PCLO: variants seen among roughly 807,000 people sequenced by gnomAD.
PCLO encodes the protein protein piccolo.
PCLO carries 82 observed loss-of-function variants against 427.5 expected under a neutral mutation model. That is an observed-to-expected ratio of 0.19 (90% CI 0.16 to 0.23). The LOEUF (loss-of-function observed/expected upper bound fraction) is 0.23, where lower values mean the gene tolerates loss of function less well. Among genes scored for constraint, PCLO ranks in the 10% least tolerant of loss-of-function variants. PCLO has a pLI of 1.00. For synonymous variants in PCLO, 2,357 were observed against 2,155.4 expected, an observed-to-expected ratio of 1.09 and a Z score of -2.59; for missense variants, 6,239 against 6,115.9, an observed-to-expected ratio of 1.02 and a Z score of -0.67.
At chr7:82,783,422 G>A (rs1017267530) in intron 22 of PCLO, among the ~76,000 whole-genome samples, 1 of 152,070 alleles carries the variant, frequency 6.6e-6, no homozygotes, top group Non-Finnish European at 1.5e-5. Context: ...AGACCATCCC[G>A]GCTAACACGG....
chr7:83,157,769 A>C, intron 1 of PCLO, among the ~76,000 whole-genome samples: 1 of 152,076 alleles, frequency 6.6e-6, no homozygotes, highest in Admixed American at 6.5e-5. Context: ...TTTATTTGAT[A>C]TATGAGGCTT....
intron 9 of PCLO, among the ~76,000 whole-genome samples, chr7:82,900,898 C>A (rs2116183252): frequency 6.6e-6 from 1 of 151,508 alleles, no homozygotes; most frequent in South Asian, 2.1e-4. Context: ...AAATTATTTC[C>A]AAATAAAAAG....
rs373238458 is a variant in PCLO, at chr7:83,093,279, C to A, written c.3300+40971G>T. Among the ~76,000 whole-genome samples, 8 of 151,208 alleles carry A rather than the reference C, an allele frequency of 5.3e-5. No individual in the cohort carries two copies. The South Asian group carries it at 6.2e-4, about 12-fold the overall frequency. ...TGTATAAATCTACTCATTTTAAATA[C>A]CATTTATCTAACAAAGCAGTCATCA... On this transcript the variant is annotated intron_variant, in intron 3 of 24. Transcript: ENST00000333891.
At chr7:83,015,034 C>T (rs1409068461) in intron 3 of PCLO, among the ~76,000 whole-genome samples, 12 of 152,190 alleles carry the variant, frequency 7.9e-5, no homozygotes, top group African/African-American at 2.6e-4. Context: ...CTACTGTCCC[C>T]ATTTTTCAAA....
chr7:82,784,211 G>A (rs748323557), intron 22 of PCLO, among the ~76,000 whole-genome samples: 10 of 152,088 alleles, frequency 6.6e-5, no homozygotes, highest in South Asian at 2.1e-4. Flanking sequence ...ACCATGTTGT[G>A]AGAGTTCTTG....
intron 3 of PCLO, among the ~76,000 whole-genome samples, chr7:83,072,204 T>A (rs1789834046): frequency 6.6e-6 from 1 of 152,046 alleles, no homozygotes; most frequent in African/African-American, 2.4e-5. Context: ...AAGAAAAATG[T>A]ATGAGAAAAT....
chr7:82,804,294 A>G (rs1330426043), intron 21 of PCLO, among the ~76,000 whole-genome samples: 1 of 151,938 alleles, frequency 6.6e-6, no homozygotes, highest in Non-Finnish European at 1.5e-5. Flanking sequence ...ATAAAAGAAA[A>G]GAAAGCTAAG....
chr7:82,793,573 A>AT (rs930923020), intron 22 of PCLO, among the ~76,000 whole-genome samples: 19 of 151,958 alleles, frequency 1.3e-4, no homozygotes, highest in South Asian at 2.1e-4. Flanking sequence ...TGGAGGGCCA[A>AT]TTTTTTTTAT....
chr7:82,859,101 G>A (rs986228125), intron 10 of PCLO, among the ~76,000 whole-genome samples: 3 of 152,156 alleles, frequency 2.0e-5, no homozygotes, highest in Non-Finnish European at 2.9e-5. Flanking sequence ...AGAACACCAG[G>A]TAGACTTCTA....
At chr7:82,927,165 T>G (rs1210819187) in intron 6 of PCLO, among the ~76,000 whole-genome samples, 1 of 152,196 alleles carries the variant, frequency 6.6e-6, no homozygotes, top group Non-Finnish European at 1.5e-5. Flanking sequence ...CGGATACTCA[T>G]TTTTGTCAAA....
In PCLO at chr7:82,956,431, C is replaced by G; in HGVS notation, c.4522G>C (p.Glu1508Gln). The G allele has an allele frequency of 6.2e-7, 1 of 1,613,782 alleles. No homozygotes were observed. Among genetic ancestry groups the G allele is most frequent in the Non-Finnish European group, 8.5e-7 (1 of 1,179,848 alleles). ...EFVDDITTRR[E>Q]PYDSVEESSE... ...CTCTCTTCAACTGAATCATAAGGCT[C>G]TCTTCTAGTAGTTATGTCATCAACA... The change falls in exon 5 of 25, where the codon GAG becomes CAG. Residue 1508 changes from glutamate (E) to glutamine (Q), a missense_variant. Glu to Gln is a conservative substitution (Grantham distance 29). Coordinates refer to ENST00000333891, the MANE Select transcript of PCLO (RefSeq NM_033026.6).
intron 8 of PCLO, among the ~76,000 whole-genome samples, chr7:82,906,720 GC>G (rs1322496405): frequency 6.6e-6 from 1 of 151,942 alleles, no homozygotes; most frequent in Non-Finnish European, 1.5e-5. Context: ...GGCCTGTGTG[GC>G]GGTTTCATGG....
At chr7:82,801,833 A>T (rs577165819) in intron 21 of PCLO, among the ~76,000 whole-genome samples, 1 of 152,256 alleles carries the variant, frequency 6.6e-6, no homozygotes, top group South Asian at 2.1e-4. Flanking sequence ...GCCAAACAAT[A>T]TACCTCAACA....
intron 10 of PCLO, among the ~76,000 whole-genome samples, chr7:82,861,723 T>G (rs1166135902): frequency 2.6e-5 from 4 of 152,018 alleles, no homozygotes; most frequent in African/African-American, 9.7e-5. Flanking sequence ...ATAGACCACA[T>G]GTTAGGTCAC....
intron 3 of PCLO, among the ~76,000 whole-genome samples, chr7:83,001,343 G>A (rs761693341): frequency 4.6e-5 from 7 of 151,890 alleles, no homozygotes; most frequent in Non-Finnish European, 8.8e-5. Context: ...GAAGGATACT[G>A]AATGTATGTT....
Position 83,046,454 on chromosome 7 carries a change from C to G in PCLO, c.3301-79967G>C, listed in dbSNP as rs1789105541. 3.3e-5 allele frequency among the ~76,000 whole-genome samples: 5 copies of G among 152,090 alleles called. No homozygotes were observed. The South Asian group carries it at 1.0e-3, about 32-fold the overall frequency. On this transcript the variant is annotated intron_variant, in intron 3 of 24. Coordinates refer to ENST00000333891, the MANE Select transcript of PCLO (RefSeq NM_033026.6). Reference sequence around the variant, plus strand: ...TTTTTAAATAAGAAATAGTATCTCTCAGGGAATGGTAAGAATTCTAGTTCC... The same window carrying G: ...TTTTTAAATAAGAAATAGTATCTCTGAGGGAATGGTAAGAATTCTAGTTCC...
chr7:82,788,384 C>T (rs984084926), intron 22 of PCLO, among the ~76,000 whole-genome samples: 7 of 151,356 alleles, frequency 4.6e-5, no homozygotes, highest in African/African-American at 1.7e-4. Context: ...ACTCAGTTAA[C>T]TGCCTTACTC....
chr7:83,152,475 G>C (rs1056693988), intron 2 of PCLO, among the ~76,000 whole-genome samples: 1 of 152,124 alleles, frequency 6.6e-6, no homozygotes, highest in South Asian at 2.1e-4. Context: ...CTTTCAAAAA[G>C]TAGAAAGCTC....
intron 3 of PCLO, among the ~76,000 whole-genome samples, chr7:83,077,679 A>C (rs1223587004): frequency 6.6e-6 from 1 of 152,126 alleles, no homozygotes; most frequent in Non-Finnish European, 1.5e-5. Context: ...TGTTAGTGCC[A>C]GGAGGCGTTC....
Sources: allele counts gnomAD v4.1 joint callset (sites outside exome capture counted in the v4.1 genomes callset), GRCh38; gene constraint gnomAD v4.1.1; transcripts MANE v1.5; gene names NCBI Gene and HGNC (gene_info 2026-07-23, HGNC 2026-07-21).